The following PRSS3 variants were observed in gnomAD, a reference collection of about 807,000 sequenced individuals.
The protein encoded by PRSS3 is trypsin-3.
PRSS3 carries 14 observed loss-of-function variants against 20.8 expected under a neutral mutation model. The observed-to-expected ratio is 0.67, with a 90% confidence interval of 0.44 to 1.05. The LOEUF (loss-of-function observed/expected upper bound fraction) is 1.05. Ranked by LOEUF, PRSS3 falls within the 50% of genes least tolerant of loss-of-function variation. The probability of loss-of-function intolerance (pLI) is 0.00; values close to 1 mark genes in which losing one functional copy is unlikely to be tolerated. For missense variants in PRSS3, 237 were observed against 306.4 expected (o/e 0.77, Z 1.69); for synonymous variants, 91 against 117.6 (o/e 0.77, Z 1.46).
At chr9:33,786,680 A>T in intron 1 of PRSS3, 2 of 766,400 alleles carry the variant, frequency 2.6e-6, no homozygotes, top group South Asian at 2.7e-5. Context: ...ACTGATTGCA[A>T]CTGCAAATCA....
intron 1 of PRSS3, among the ~76,000 whole-genome samples, chr9:33,757,283 T>G (rs560907142): frequency 1.3e-5 from 2 of 152,220 alleles, no homozygotes; most frequent in African/African-American, 4.8e-5. Flanking sequence ...ATGAAAACTC[T>G]TTGAATACAT....
intron 1 of PRSS3, 74 bp downstream of exon 1, chr9:33,795,687 C>G (rs1484432760): frequency 6.5e-7 from 1 of 1,544,764 alleles, no homozygotes; most frequent in South Asian, 1.1e-5. Flanking sequence ...ATTCTTGCCA[C>G]CTCTCCTCTT....
chr9:33,785,003 T>C (rs1289720746), intron 1 of PRSS3, among the ~76,000 whole-genome samples: 1 of 152,002 alleles, frequency 6.6e-6, no homozygotes, highest in Non-Finnish European at 1.5e-5. Context: ...CAATAATAAA[T>C]AGCCTAACCA....
chr9:33,786,003 C>G (rs1357950519), intron 1 of PRSS3: 1 of 221,776 alleles, frequency 4.5e-6, no homozygotes, highest in African/African-American at 2.3e-5. Flanking sequence ...GGTAAGTGGC[C>G]GGTGCATGCT....
At chr9:33,791,791 C>T (rs1325103683), upstream of PRSS3, among the ~76,000 whole-genome samples, 1 of 152,192 alleles carries the variant, frequency 6.6e-6, no homozygotes, top group Non-Finnish European at 1.5e-5. Flanking sequence ...TAGGTTTAGT[C>T]TCAAGTGCTA....
chr9:33,780,871 C>T (rs770628665), intron 1 of PRSS3, among the ~76,000 whole-genome samples: 4 of 152,226 alleles, frequency 2.6e-5, no homozygotes, highest in Middle Eastern at 6.8e-3. Flanking sequence ...ATTGGAGCAC[C>T]CATATCCATA....
chr9:33,781,794 A>G (rs534441188), intron 1 of PRSS3, among the ~76,000 whole-genome samples: 1 of 152,340 alleles, frequency 6.6e-6, no homozygotes, highest in East Asian at 1.9e-4. Flanking sequence ...ATGAACACAC[A>G]AAGAATTTAT....
chr9:33,779,673 C>A (rs1253771971), intron 1 of PRSS3, among the ~76,000 whole-genome samples: 2 of 151,944 alleles, frequency 1.3e-5, no homozygotes, highest in Non-Finnish European at 2.9e-5. Flanking sequence ...TCGAGACCAT[C>A]CTGGCTAACA....
intron 1 of PRSS3, among the ~76,000 whole-genome samples, chr9:33,785,192 T>TTTTTC (rs1824344803): frequency 1.4e-5 from 1 of 72,144 alleles, no homozygotes; most frequent in Admixed American, 1.8e-4. Flanking sequence ...TTTTTTTTTT[T>TTTTTC]TTTGAGACGG....
intron 1 of PRSS3, among the ~76,000 whole-genome samples, chr9:33,767,842 T>TAGACAC (rs59300425): frequency 0.37 from 55,465 of 151,438 alleles, 10,275 homozygotes; most frequent in African/African-American, 0.42. Flanking sequence ...AAAGGAACTT[T>TAGACAC]AGACACAGAC....
At chr9:33,770,377 A>C (rs1469801287) in intron 1 of PRSS3, among the ~76,000 whole-genome samples, 1 of 152,160 alleles carries the variant, frequency 6.6e-6, no homozygotes, top group Non-Finnish European at 1.5e-5. Context: ...CCTGGTTTAG[A>C]CGATACTTAC....
intron 1 of PRSS3, among the ~76,000 whole-genome samples, chr9:33,783,287 G>A (rs544178696): frequency 2.6e-5 from 4 of 152,218 alleles, no homozygotes; most frequent in Non-Finnish European, 4.4e-5. Context: ...CACAGTGTAT[G>A]CATTTGTCAA....
At chr9:33,771,832 A>T (rs1587380396) in intron 1 of PRSS3, among the ~76,000 whole-genome samples, 1 of 139,628 alleles carries the variant, frequency 7.2e-6, no homozygotes. Flanking sequence ...GTAGAAATGG[A>T]GTTTCACCAT....
intron 1 of PRSS3, among the ~76,000 whole-genome samples, chr9:33,772,733 GGTTGGAAC>G: frequency 6.6e-6 from 1 of 152,102 alleles, no homozygotes; most frequent in Admixed American, 6.5e-5. Context: ...TCAAACACGT[GGTTGGAAC>G]TTGAGTAGAG....
In PRSS3 at chr9:33,750,721, G is replaced by A. The variant is rs1301976618; in HGVS notation, c.-59G>A. 63 of 1,446,080 alleles carry A rather than the reference G, an allele frequency of 4.4e-5. 2 individuals are homozygous for A. In the East Asian group the frequency reaches 1.6e-3, roughly 36 times the overall value. The allele number at this position is 1,446,080 out of a possible 1,614,324, so 89.6% of individuals were successfully genotyped here. ...GGATGCAGACGGCTGCGAGGCGCTG[G>A]GCACAGGTCAGACGTCAGTACCCGC... On this transcript the variant is annotated 5_prime_UTR_variant, in exon 1 of 6. Transcript: ENST00000342836. The surrounding 1 kb of genome is among the most constrained non-coding windows in gnomAD (Gnocchi z 4.8).
chr9:33,752,338 T>G (rs1373156811), intron 1 of PRSS3, among the ~76,000 whole-genome samples: 9 of 152,232 alleles, frequency 5.9e-5, no homozygotes, highest in African/African-American at 2.2e-4. Flanking sequence ...AAAGTACAGA[T>G]GTTAACTGTG....
At chr9:33,771,619 A>T (rs1823695577) in intron 1 of PRSS3, among the ~76,000 whole-genome samples, 1 of 141,524 alleles carries the variant, frequency 7.1e-6, no homozygotes, top group African/African-American at 2.6e-5. Context: ...GAGCCACTGC[A>T]CTGGGTTTTG....
intron 1 of PRSS3, among the ~76,000 whole-genome samples, chr9:33,783,740 G>T (rs1026232723): frequency 3.3e-5 from 5 of 152,076 alleles, no homozygotes; most frequent in African/African-American, 1.2e-4. Context: ...GGAGTCAAAA[G>T]TTAGCCAGGC....
At chr9:33,752,140 C>T (rs561647613) in intron 1 of PRSS3, among the ~76,000 whole-genome samples, 1 of 152,118 alleles carries the variant, frequency 6.6e-6, no homozygotes, top group African/African-American at 2.4e-5. Flanking sequence ...AAACAGTGCC[C>T]CCACTTACTT....
Sources: allele counts gnomAD v4.1 joint callset (sites outside exome capture counted in the v4.1 genomes callset), GRCh38; gene constraint gnomAD v4.1.1; non-coding constraint Gnocchi (gnomAD v3.1); transcripts MANE v1.5; gene names NCBI Gene and HGNC (gene_info 2026-07-23, HGNC 2026-07-21).